Variants in AGBL4 observed in about 807,000 individuals in gnomAD.
AGBL4 encodes the protein AGBL carboxypeptidase 4, also known as cytosolic carboxypeptidase 6.
A neutral mutation model predicts 66.4 loss-of-function variants in AGBL4; 58 were observed. That is an observed-to-expected ratio of 0.87 (90% confidence interval 0.71 to 1.09). AGBL4 has a LOEUF of 1.09. Among genes scored for constraint, AGBL4 ranks in the 50% least tolerant of loss-of-function variants. AGBL4 has a pLI of 0.00. For missense variants in AGBL4, 579 were observed against 631.0 expected, an observed-to-expected ratio of 0.92 and a Z score of 0.88; for synonymous variants, 234 against 222.9, an observed-to-expected ratio of 1.05 and a Z score of -0.44.
chr1:49,622,524 G>A (rs1262601778), intron 3 of AGBL4, among the ~76,000 whole-genome samples: 1 of 148,972 alleles, frequency 6.7e-6, no homozygotes, highest in African/African-American at 2.5e-5. Flanking sequence ...AGCTACTTGG[G>A]AGGCTGAGGC....
intron 8 of AGBL4, among the ~76,000 whole-genome samples, chr1:48,647,904 G>C (rs542351247): frequency 6.6e-6 from 1 of 152,186 alleles, no homozygotes; most frequent in Non-Finnish European, 1.5e-5. Flanking sequence ...CTTCCAACTA[G>C]GAGTTGCTTG....
At chr1:49,595,816 C>A (rs1644841830) in intron 3 of AGBL4, among the ~76,000 whole-genome samples, 1 of 152,174 alleles carries the variant, frequency 6.6e-6, no homozygotes, top group South Asian at 2.1e-4. Context: ...TCACCTAACT[C>A]TGTAACATGT....
intron 1 of AGBL4, among the ~76,000 whole-genome samples, chr1:49,972,801 G>T (rs147875194): frequency 3.3e-5 from 5 of 152,248 alleles, no homozygotes; most frequent in African/African-American, 1.2e-4. Context: ...TGTATATAGG[G>T]TTCAATACTA....
chr1:48,728,390 A>G (rs1169459174), intron 6 of AGBL4, among the ~76,000 whole-genome samples: 1 of 148,440 alleles, frequency 6.7e-6, no homozygotes, highest in Non-Finnish European at 1.5e-5. Flanking sequence ...TTTTTCTTTT[A>G]GTGTTAACAC....
At position 49,127,769 on chromosome 1, in the gene AGBL4, C is replaced by T. The variant is rs143810322; in HGVS notation, c.378-81969G>A. On this transcript the variant is annotated intron_variant, in intron 4 of 13. Coordinates refer to ENST00000371839, the MANE Select transcript of AGBL4 (RefSeq NM_032785.4). ...GCTTCAGTAACAGGGCCAAACTATC[C>T]GTAGAGTAAAAAGTACTCTGTAACA... Among the ~76,000 whole-genome samples the T allele has an allele frequency of 4.1e-3, 624 of 152,092 alleles. 3 individuals are homozygous for T. The highest frequency in any genetic ancestry group is 0.013 in the African/African-American group (540 of 41,518).
chr1:49,690,962 A>G (rs909423315), intron 3 of AGBL4, among the ~76,000 whole-genome samples: 1 of 152,192 alleles, frequency 6.6e-6, no homozygotes, highest in African/African-American at 2.4e-5. Context: ...TGGAAGAGCT[A>G]GGCCTGGAAT....
intron 5 of AGBL4, among the ~76,000 whole-genome samples, chr1:49,002,270 C>T (rs918047705): frequency 6.6e-6 from 1 of 152,086 alleles, no homozygotes; most frequent in Non-Finnish European, 1.5e-5. Flanking sequence ...GAATGGTCAC[C>T]TAGGATGACT....
intron 6 of AGBL4, among the ~76,000 whole-genome samples, chr1:48,797,826 C>A (rs1374641431): frequency 6.6e-6 from 1 of 152,258 alleles, no homozygotes; most frequent in South Asian, 2.1e-4. Context: ...GGATTACAGG[C>A]GTGAGCCACT....
intron 2 of AGBL4, among the ~76,000 whole-genome samples, chr1:49,711,894 G>A (rs1016106602): frequency 3.3e-5 from 5 of 151,972 alleles, no homozygotes; most frequent in Non-Finnish European, 7.4e-5. Flanking sequence ...GGACTGTAAA[G>A]CCAGACAACA....
chr1:49,682,506 C>T lies in AGBL4; in HGVS notation c.282+14807G>A, dbSNP rs867082713. 2.6e-5 allele frequency among the ~76,000 whole-genome samples: 4 copies of T among 152,216 alleles called. No individual in the cohort carries two copies. The South Asian group carries it at 8.3e-4, about 32-fold the overall frequency. ...ATCTACTATTGAAAAATATTGGCCT[C>T]TCACTTTTGATGCTTATTCAATGTA... On this transcript the variant is annotated intron_variant, in intron 3 of 13. Coordinates refer to ENST00000371839, the MANE Select transcript of AGBL4 (RefSeq NM_032785.4).
At chr1:49,159,887 TATC>T (rs1475741212) in intron 4 of AGBL4, among the ~76,000 whole-genome samples, 1 of 152,174 alleles carries the variant, frequency 6.6e-6, no homozygotes, top group African/African-American at 2.4e-5. Context: ...TTCAGGAAGT[TATC>T]ATGCTGTGTT....
intron 1 of AGBL4, among the ~76,000 whole-genome samples, chr1:49,887,253 A>G (rs764970203): frequency 3.3e-5 from 5 of 150,718 alleles, no homozygotes; most frequent in Admixed American, 6.6e-5. Context: ...GTGTGTGTGT[A>G]TATATACACA....
At chr1:49,760,290 T>G (rs1652209704) in intron 2 of AGBL4, among the ~76,000 whole-genome samples, 1 of 152,220 alleles carries the variant, frequency 6.6e-6, no homozygotes, top group Non-Finnish European at 1.5e-5. Flanking sequence ...GCATAAGATC[T>G]TTAGTTTAAT....
chr1:49,282,418 AGATGATG>A (rs1644295043), intron 3 of AGBL4, among the ~76,000 whole-genome samples: 1 of 152,214 alleles, frequency 6.6e-6, no homozygotes, highest in Non-Finnish European at 1.5e-5. Flanking sequence ...AGAGATGGTT[AGATGATG>A]GGTAGGTGGA....
At chr1:48,948,982 C>T (rs1024257998) in intron 5 of AGBL4, among the ~76,000 whole-genome samples, 3 of 152,114 alleles carry the variant, frequency 2.0e-5, no homozygotes, top group South Asian at 2.1e-4. Flanking sequence ...CTAAAGTGGA[C>T]GTTTCATCTG....
chr1:49,744,583 T>C (rs935585742), intron 2 of AGBL4, among the ~76,000 whole-genome samples: 5 of 152,156 alleles, frequency 3.3e-5, no homozygotes, highest in African/African-American at 9.7e-5. Flanking sequence ...GGACCCTATA[T>C]ATTAATAGTA....
At chr1:49,111,885 T>C (rs1645419577) in intron 4 of AGBL4, among the ~76,000 whole-genome samples, 1 of 152,250 alleles carries the variant, frequency 6.6e-6, no homozygotes, top group South Asian at 2.1e-4. Flanking sequence ...GATATTTGAT[T>C]ATACTGTAAG....
At chr1:49,067,486 C>G (rs954530215) in intron 4 of AGBL4, among the ~76,000 whole-genome samples, 2 of 152,118 alleles carry the variant, frequency 1.3e-5, no homozygotes, top group African/African-American at 4.8e-5. Flanking sequence ...TGTAATACAC[C>G]AAGTTTATTC....
chr1:48,701,437 C>A (rs80195301), intron 6 of AGBL4, among the ~76,000 whole-genome samples: 1,723 of 57,528 alleles, frequency 0.03, 36 homozygotes, highest in African/African-American at 0.065. Context: ...ACCAGATTGG[C>A]TTTTTTTTCT....
Sources: gnomAD v4.1 joint callset for allele counts (sites outside exome capture counted in the v4.1 genomes callset) on GRCh38, gnomAD v4.1.1 for gene constraint, MANE v1.5 for transcripts, NCBI Gene and HGNC (gene_info 2026-07-23, HGNC 2026-07-21) for gene names.